EMILIN1: variants seen among roughly 807,000 people sequenced by gnomAD.
EMILIN1 encodes EMILIN-1.
In EMILIN1, 49 loss-of-function variants were observed where a neutral mutation model predicts 82.4. The observed-to-expected ratio is 0.59, with a 90% CI of 0.47 to 0.75. The LOEUF is 0.75. Among genes scored for constraint, EMILIN1 ranks in the 30% least tolerant of loss-of-function variants. The probability of loss-of-function intolerance (pLI) is 0.00; values close to 1 mark genes in which losing one functional copy is unlikely to be tolerated. For missense variants in EMILIN1, 1,313 were observed against 1,366.4 expected (o/e 0.96, Z 0.62); for synonymous variants, 604 against 602.2 (o/e 1.00, Z -0.04).
intron 1 of EMILIN1, among the ~76,000 whole-genome samples, chr2:27,079,538 A>G (rs572991107): frequency 6.6e-6 from 1 of 152,220 alleles, no homozygotes; most frequent in African/African-American, 2.4e-5. Context: ...AGCCTCAGGG[A>G]GAACTTTTGT....
rs1669622308 is a variant in EMILIN1 at position 27,085,986 on chromosome 2, T to C, written c.3022T>C (p.Tyr1008His). 8.1e-6 allele frequency: 12 copies of C among 1,474,932 alleles called. No individual in the cohort carries two copies. Among genetic ancestry groups the C allele is most frequent in the Non-Finnish European group, 1.1e-5 (12 of 1,104,736 alleles). 91.4% of individuals were successfully genotyped at this position (1,474,932 alleles called of 1,614,324 possible). The change falls in exon 8 of 8, where the codon TAT becomes CAT. Residue 1008 changes from tyrosine (Y) to histidine (H), a missense_variant. Physicochemically the swap from Tyr to His is moderately conservative, Grantham distance 83. Coordinates refer to ENST00000380320, the MANE Select transcript of EMILIN1 (RefSeq NM_007046.4). Reference protein sequence around the residue: ...PLTIFSGALLYGDPELEHA With the variant: ...PLTIFSGALLHGDPELEHA ...CACCATCTTCAGCGGGGCCCTGCTC[T>C]ATGGGGACCCAGAGCTTGAACACGC...
chr2:27,082,731 T>C lies in EMILIN1; in HGVS notation c.1160T>C (p.Leu387Pro). The change falls in exon 4 of 8, where the codon CTG becomes CCG. Residue 387 changes from leucine to proline, a missense_variant. Transcript: ENST00000380320. ...TVLSGRRGTE[L>P]GGAAGQGGHP... ...CTGAGTGGGCGGCGAGGCACAGAGC[T>C]GGGAGGAGCCGCGGGGCAGGGAGGC... 1 of 1,546,920 alleles carries C rather than the reference T, an allele frequency of 6.5e-7. No individual in the cohort carries two copies. Among genetic ancestry groups the C allele is most frequent in the Non-Finnish European group, 8.7e-7 (1 of 1,151,474 alleles).
In EMILIN1 at chr2:27,082,093, G is replaced by A. The variant is rs1428829060; in HGVS notation, c.522G>A (p.Glu174=). 72 of 1,612,000 alleles carry A rather than the reference G, an allele frequency of 4.5e-5. No homozygotes were observed. The highest frequency in any genetic ancestry group is 6.1e-5 in the Non-Finnish European group (72 of 1,179,140). Residue 174 remains glutamate, a synonymous_variant, in exon 4 of 8, where the codon GAG becomes GAA. Transcript: ENST00000380320. ...TTCCCCTCTCCTCAGGTCCTGGGGA[G>A]TCAGAGAAGGTGCAGCAGCTGGAGG... ...LSGLGGEGPG[E]SEKVQQLEEQ...
At position 27,085,957 on chromosome 2, in the gene EMILIN1, C is replaced by T. The variant is rs1257257485; in HGVS notation, c.2993C>T (p.Pro998Leu). 7.3e-6 allele frequency: 11 copies of T among 1,511,966 alleles called. No individual in the cohort carries two copies. The highest frequency in any genetic ancestry group is 9.8e-6 in the Non-Finnish European group (11 of 1,122,050). 93.7% of individuals were successfully genotyped at this position (1,511,966 alleles called of 1,614,324 possible). A position where few individuals can be genotyped will look rare whatever the true frequency, so the allele number is the denominator to read the frequency against. ...GGGCAGCTGGCGCACTCGGAGGAGC[C>T]GCTCACCATCTTCAGCGGGGCCCTG... ...VMGQLAHSEE[P>L]LTIFSGALLY... The change falls in exon 8 of 8, where the codon CCG (proline) becomes CTG (leucine). Residue 998 changes from proline (P) to leucine (L), a missense_variant. Physicochemically the swap from Pro to Leu is moderately conservative, Grantham distance 98 (BLOSUM62 -3). Transcript: ENST00000380320.
At position 27,082,066 on chromosome 2, in the gene EMILIN1, C is replaced by T; in HGVS notation, c.512-17C>T. 6.3e-7 allele frequency: 1 copy of T among 1,591,696 alleles called. No individual in the cohort carries two copies. The highest frequency in any genetic ancestry group is 2.3e-5 in the East Asian group (1 of 44,222). The stretch of plus-strand genomic sequence containing the variant: ...TGGGGTCCAGCCCCTCTGCCTTCTG[C>T]CTTCCCCTCTCCTCAGGTCCTGGGG... On this transcript the variant is annotated splice_polypyrimidine_tract_variant and intron_variant, in intron 3 of 7. Coordinates refer to ENST00000380320, the MANE Select transcript of EMILIN1 (RefSeq NM_007046.4).
chr2:27,085,039 G>C, intron 6 of EMILIN1, 31 bp downstream of exon 6: 1 of 1,613,554 alleles, frequency 6.2e-7, no homozygotes, highest in Non-Finnish European at 8.5e-7. Flanking sequence ...TCTGGAGGGA[G>C]AAGTGACTAG....
Position 27,083,263 on chromosome 2 carries a change from G to C in EMILIN1, c.1692G>C (p.Ala564=). Residue 564 remains alanine (A), a synonymous_variant, in exon 4 of 8, where the codon GCG becomes GCC. Transcript: ENST00000380320. ...TCACACTACGGCTGAATCTCACTGC[G>C]GCCCGGCTAGGCCAACTGGAGGGGC... ...AEFTLRLNLT[A]ARLGQLEGLL... 6.2e-7 allele frequency: 1 copy of C among 1,612,532 alleles called. No individual in the cohort carries two copies. Among genetic ancestry groups the C allele is most frequent in the Non-Finnish European group, 8.5e-7 (1 of 1,179,224 alleles).
chr2:27,082,180 C>A lies in EMILIN1; in HGVS notation c.609C>A (p.Ser203Arg). ...QGLRGVLQGLSGRLAEDVQRA... is the reference protein window; with the variant it reads ...QGLRGVLQGLRGRLAEDVQRA... The stretch of plus-strand genomic sequence containing the variant: ...TGCGGGGCGTCCTGCAAGGACTGAG[C>A]GGGCGCCTGGCAGAGGATGTGCAGA... Residue 203 changes from serine (S) to arginine (R), a missense_variant, in exon 4 of 8, where the codon AGC becomes AGA. Coordinates refer to ENST00000380320, the MANE Select transcript of EMILIN1 (RefSeq NM_007046.4). 1 of 1,613,698 alleles carries A rather than the reference C, an allele frequency of 6.2e-7. No individual in the cohort carries two copies. Among genetic ancestry groups the A allele is most frequent in the Non-Finnish European group, 8.5e-7 (1 of 1,180,022 alleles).
chr2:27,083,131 G>A lies in EMILIN1; in HGVS notation c.1560G>A (p.Thr520=), dbSNP rs373844330. The part of the protein sequence containing the change: ...QLRLVGSGLH[T]VEAAGEARQA... ...GGCTGGTGGGCTCCGGCCTGCACAC[G>A]GTGGAAGCAGCGGGGGAGGCCCGGC... The change falls in exon 4 of 8, where the codon ACG becomes ACA. Residue 520 remains threonine (T), a synonymous_variant. Transcript: ENST00000380320. The A allele has an allele frequency of 1.9e-5, 30 of 1,586,050 alleles. No individual in the cohort carries two copies. Among genetic ancestry groups the A allele is most frequent in the African/African-American group, 5.4e-5 (4 of 74,446 alleles).
rs752139707 is a variant in EMILIN1 at position 27,082,299 on chromosome 2, A to G, written c.728A>G (p.Gln243Arg). 10 of 1,613,012 alleles carry G rather than the reference A, an allele frequency of 6.2e-6. No homozygotes were observed. In the South Asian group the frequency reaches 1.1e-4, roughly 18 times the overall value. The stretch of plus-strand genomic sequence containing the variant: ...GAAACCCTCAATGAGATCCAGCACC[A>G]GCTGCAGCTCCTGGACACCCGCGTC... ...VHETLNEIQH[Q>R]LQLLDTRVST... Residue 243 changes from glutamine (Q) to arginine (R), a missense_variant, in exon 4 of 8, where the codon CAG becomes CGG. By Grantham distance (43) the Gln-to-Arg change is conservative. Transcript: ENST00000380320.
At chr2:27,084,875 T>C (rs1669567052) in intron 5 of EMILIN1, 116 bp from the exon 6 acceptor site, 3 of 980,586 alleles carry the variant, frequency 3.1e-6, no homozygotes. Flanking sequence ...ATACCCCAAT[T>C]CCTGCTTTGA....
At chr2:27,080,999 C>A in intron 3 of EMILIN1, 47 bp downstream of exon 3, 9 of 1,392,290 alleles carry the variant, frequency 6.5e-6, no homozygotes, top group Non-Finnish European at 8.8e-6. Flanking sequence ...AAATGGTGAT[C>A]CAATGCAATG....
intron 3 of EMILIN1, 131 bp from the exon 4 acceptor site, chr2:27,081,952 T>C: frequency 8.5e-7 from 1 of 1,174,274 alleles, no homozygotes. Context: ...TCTTTTTTTT[T>C]CTCTTGCCAA....
rs1486967171 is a variant in EMILIN1, at chr2:27,080,169, G to C, written c.189G>C (p.Val63=). ...ASRHRNWCAY[V]VTRTVSCVLE... Reference sequence around the variant, plus strand: ...CCTACAGGAACTGGTGTGCCTACGTGGTGACCCGGACAGTGAGCTGTGTCC... The same window carrying C: ...CCTACAGGAACTGGTGTGCCTACGTCGTGACCCGGACAGTGAGCTGTGTCC... Residue 63 remains valine (V), a synonymous_variant, in exon 2 of 8, where the codon GTG becomes GTC. Transcript: ENST00000380320. 2 of 1,614,074 alleles carry C rather than the reference G, an allele frequency of 1.2e-6. No individual in the cohort carries two copies.
In EMILIN1 at chr2:27,086,286, G is replaced by A; in HGVS notation, c.*271G>A. On this transcript the variant is annotated 3_prime_UTR_variant, in exon 8 of 8. Coordinates refer to ENST00000380320, the MANE Select transcript of EMILIN1 (RefSeq NM_007046.4). Reference sequence around the variant, plus strand: ...GGAGGAGCCGATCCTCGCACCCTCCGCTCCCTCCACTGGCCCTCCAGGTCG... The same window carrying A: ...GGAGGAGCCGATCCTCGCACCCTCCACTCCCTCCACTGGCCCTCCAGGTCG... The A allele has an allele frequency of 2.9e-6, 1 of 350,680 alleles. No homozygotes were observed. The highest frequency in any genetic ancestry group is 5.1e-6 in the Non-Finnish European group (1 of 195,748). The allele number at this position is 350,680 out of a possible 1,614,324, so 21.7% of individuals were successfully genotyped here.
At position 27,082,157 on chromosome 2, in the gene EMILIN1, C is replaced by G; in HGVS notation, c.586C>G (p.Arg196Gly). The change falls in exon 4 of 8, where the codon CGG (arginine) becomes GGG (glycine). Residue 196 changes from arginine (R) to glycine (G), a missense_variant. By Grantham distance (125) the Arg-to-Gly change is moderately radical. Coordinates refer to ENST00000380320, the MANE Select transcript of EMILIN1 (RefSeq NM_007046.4). The part of the protein sequence containing the change: ...QSLTKELQGL[R>G]GVLQGLSGRL... ...CCTGACCAAGGAGCTGCAAGGCCTG[C>G]GGGGCGTCCTGCAAGGACTGAGCGG... The G allele has an allele frequency of 6.2e-7, 1 of 1,613,724 alleles. No individual in the cohort carries two copies. The highest frequency in any genetic ancestry group is 8.5e-7 in the Non-Finnish European group (1 of 1,180,010).
In EMILIN1 at chr2:27,083,357, C is replaced by T. The variant is rs767621068; in HGVS notation, c.1786C>T (p.Arg596Trp). 3.3e-5 allele frequency: 53 copies of T among 1,612,850 alleles called. No homozygotes were observed. Among genetic ancestry groups the T allele is most frequent in the South Asian group, 5.5e-5 (5 of 91,082 alleles). Reference sequence around the variant, plus strand: ...AGTCCAAGAGGAACTAGGCCGCCTTCGGGATGGTGTGGAGCGCTGCTCCTG... The same window carrying T: ...AGTCCAAGAGGAACTAGGCCGCCTTTGGGATGGTGTGGAGCGCTGCTCCTG... The part of the protein sequence containing the change: ...GGVQEELGRL[R>W]DGVERCSCPL... Residue 596 changes from arginine to tryptophan, a missense_variant, in exon 4 of 8, where the codon CGG becomes TGG. By Grantham distance (101) the Arg-to-Trp change is moderately radical. Transcript: ENST00000380320.
chr2:27,085,460 A>T (rs1320380146), intron 7 of EMILIN1, among the ~76,000 whole-genome samples, 163 bp downstream of exon 7: 3 of 152,326 alleles, frequency 2.0e-5, no homozygotes, highest in Middle Eastern at 6.8e-3. Flanking sequence ...TGGGGAGAAG[A>T]AGTAGTCATT....
At chr2:27,081,119 G>GTA (rs1669468207) in intron 3 of EMILIN1, among the ~76,000 whole-genome samples, 167 bp downstream of exon 3, 1 of 148,218 alleles carries the variant, frequency 6.7e-6, no homozygotes, top group South Asian at 2.1e-4. Context: ...GTGTGTGTGT[G>GTA]TGTGTGTGTG....
Sources: gnomAD v4.1 joint callset for allele counts (sites outside exome capture counted in the v4.1 genomes callset) on GRCh38, gnomAD v4.1.1 for gene constraint, MANE v1.5 for transcripts, NCBI Gene and HGNC (gene_info 2026-07-23, HGNC 2026-07-21) for gene names.